The following WIPI2 variants were observed in gnomAD, a reference collection of about 807,000 sequenced individuals.
WIPI2 encodes the protein WD repeat domain, phosphoinositide interacting 2, also known as WD repeat domain phosphoinositide-interacting protein 2.
In WIPI2, 28 loss-of-function variants were observed where a neutral mutation model predicts 52.3. The ratio of observed to expected loss-of-function variants is 0.54; its 90% CI spans 0.40 to 0.73. The LOEUF (loss-of-function observed/expected upper bound fraction) is 0.73. Ranked by LOEUF, WIPI2 falls within the 30% of genes least tolerant of loss-of-function variation. The pLI, the probability that WIPI2 is intolerant of heterozygous loss-of-function variation, is 0.00. For synonymous variants in WIPI2, 268 were observed against 245.0 expected (o/e 1.09, Z -0.88); for missense variants, 506 against 602.9 (o/e 0.84, Z 1.68).
In WIPI2 at chr7:5,230,748, G is replaced by GT; in HGVS notation, c.1253-84dup. 1.1e-6 allele frequency: 1 copy of GT among 936,278 alleles called. No homozygotes were observed. The allele number at this position is 936,278 out of a possible 1,614,324, so 58.0% of individuals were successfully genotyped here. On this transcript the variant is annotated intron_variant, in intron 12 of 12. Coordinates refer to ENST00000288828, the MANE Select transcript of WIPI2 (RefSeq NM_015610.4). The surrounding 1 kb of genome is among the most constrained non-coding windows in gnomAD (Gnocchi z 4.8). ...CTTCAGTTTATAAATATACACCAGT[G>GT]TTTCCAAAACACAGTCCTCAGTGTG... is the stretch of plus-strand genomic sequence containing the variant.
In WIPI2 at chr7:5,227,081, T is replaced by C; in HGVS notation, c.849-99T>C. The C allele has an allele frequency of 6.7e-7, 1 of 1,494,108 alleles. No homozygotes were observed. The highest frequency in any genetic ancestry group is 9.0e-7 in the Non-Finnish European group (1 of 1,104,988). 92.6% of individuals were successfully genotyped at this position (1,494,108 alleles called of 1,614,324 possible). On this transcript the variant is annotated intron_variant, in intron 9 of 12. Transcript: ENST00000288828. This position sits in a 1 kb window ranked among gnomAD's most constrained non-coding sequence, Gnocchi z 8.1. Reference sequence around the variant, plus strand: ...AATTTTCCTGTGAAGAATGGAGACTTTTGCTGTCGGCTCCAGAGCTGTGCG... The same window carrying C: ...AATTTTCCTGTGAAGAATGGAGACTCTTGCTGTCGGCTCCAGAGCTGTGCG...
At chr7:5,217,282 C>A in intron 6 of WIPI2, 95 bp downstream of exon 6, 1 of 1,266,190 alleles carries the variant, frequency 7.9e-7, no homozygotes, top group Non-Finnish European at 1.1e-6. Context: ...CTTGGCTCAG[C>A]AATACAACCG....
At chr7:5,217,672 C>G (rs1294465918) in intron 6 of WIPI2, 1 of 506,758 alleles carries the variant, frequency 2.0e-6, no homozygotes, top group Non-Finnish European at 3.6e-6. Context: ...CAGAGCAGTG[C>G]TGAGCTCCTC....
chr7:5,200,560 T>C (rs531314359), intron 3 of WIPI2, among the ~76,000 whole-genome samples: 8 of 24,928 alleles, frequency 3.2e-4, no homozygotes, highest in Non-Finnish European at 9.6e-4. Context: ...CTTTTTTGTT[T>C]GTTTTTTTTT....
chr7:5,217,927 T>G lies in WIPI2; in HGVS notation c.582T>G (p.Ala194=), dbSNP rs761171434. The change falls in exon 7 of 13, where the codon GCT becomes GCG. Residue 194 remains alanine (A), a synonymous_variant. Transcript: ENST00000288828. ...TATTGGTGTCCCTTTTTCAGAGAGCTGCAAACATGATTCCGGCTCACGACA... is the reference window on the plus strand; with the variant it reads ...TATTGGTGTCCCTTTTTCAGAGAGCGGCAAACATGATTCCGGCTCACGACA... ...VQVFDTINLR[A]ANMIPAHDSP... 6.2e-7 allele frequency: 1 copy of G among 1,614,192 alleles called. No homozygotes were observed. Among genetic ancestry groups the G allele is most frequent in the South Asian group, 1.1e-5 (1 of 91,082 alleles).
Position 5,217,015 on chromosome 7 carries a change from C to A in WIPI2, c.479-75C>A. 13 of 1,406,300 alleles carry A rather than the reference C, an allele frequency of 9.2e-6. No individual in the cohort carries two copies. The South Asian group carries it at 1.4e-4, about 15-fold the overall frequency. 87.1% of individuals were successfully genotyped at this position (1,406,300 alleles called of 1,614,324 possible). A position where few individuals can be genotyped will look rare whatever the true frequency, so the allele number is the denominator to read the frequency against. On this transcript the variant is annotated intron_variant, in intron 5 of 12. Transcript: ENST00000288828. The stretch of plus-strand genomic sequence containing the variant: ...TTCCTAATGCTCTGTTAAATGAATG[C>A]TGAATTATGTCTGACATCCAAGAAG...
chr7:5,229,693 G>A lies in WIPI2; in HGVS notation c.1207G>A (p.Ala403Thr). 1 of 1,614,108 alleles carries A rather than the reference G, an allele frequency of 6.2e-7. No homozygotes were observed. Among genetic ancestry groups the A allele is most frequent in the Non-Finnish European group, 8.5e-7 (1 of 1,180,000 alleles). ...CPLVTQTYGA[A>T]AGKGTYVPSS... Reference sequence around the variant, plus strand: ...CTTAGTCACTCAGACATACGGCGCAGCTGCAGGAAAAGGTACTTACGTGCC... The same window carrying A: ...CTTAGTCACTCAGACATACGGCGCAACTGCAGGAAAAGGTACTTACGTGCC... Residue 403 changes from alanine to threonine, a missense_variant, in exon 12 of 13, where the codon GCT (alanine) becomes ACT (threonine). Ala to Thr is a moderately conservative substitution (Grantham distance 58). This residue lies in a region of WIPI2 where 194 missense variants were observed against 175.1 expected (regional missense o/e 1.11). Coordinates refer to ENST00000288828, the MANE Select transcript of WIPI2 (RefSeq NM_015610.4).
rs780533277 is a variant in WIPI2, at chr7:5,227,316, G to A, written c.985G>A (p.Gly329Ser). ...AFATVRLPFC[G>S]HKNICSLATI... Reference sequence around the variant, plus strand: ...CGCCACGGTCCGCCTGCCATTCTGCGGCCACAAAAACATCTGCTCGCTAGC... The same window carrying A: ...CGCCACGGTCCGCCTGCCATTCTGCAGCCACAAAAACATCTGCTCGCTAGC... Residue 329 changes from glycine (G) to serine (S), a missense_variant, in exon 10 of 13, where the codon GGC (glycine) becomes AGC (serine). Physicochemically the swap from Gly to Ser is moderately conservative, Grantham distance 56 (BLOSUM62 0). This residue lies in a region of WIPI2 where 237 missense variants were observed against 346.9 expected (regional missense o/e 0.68). Coordinates refer to ENST00000288828, the MANE Select transcript of WIPI2 (RefSeq NM_015610.4). The surrounding 1 kb of genome is among the most constrained non-coding windows in gnomAD (Gnocchi z 8.1). The A allele has an allele frequency of 9.9e-6, 16 of 1,613,622 alleles. No individual in the cohort carries two copies. The highest frequency in any genetic ancestry group is 4.5e-5 in the East Asian group (2 of 44,894).
intron 8 of WIPI2, 99 bp downstream of exon 8, chr7:5,222,771 C>G: frequency 4.2e-6 from 5 of 1,199,822 alleles, no homozygotes; most frequent in Non-Finnish European, 4.9e-6. Context: ...CAGGAGAATT[C>G]CACACGAGCA....
At chr7:5,210,315 C>G (rs1248968355) in intron 3 of WIPI2, among the ~76,000 whole-genome samples, 1 of 152,224 alleles carries the variant, frequency 6.6e-6, no homozygotes, top group African/African-American at 2.4e-5. Context: ...ATGTCAAGGT[C>G]GCCATATAAG....
intron 3 of WIPI2, among the ~76,000 whole-genome samples, chr7:5,207,104 A>C (rs548975596): frequency 3.3e-5 from 5 of 152,178 alleles, no homozygotes; most frequent in African/African-American, 1.2e-4. Context: ...ATTTCCAGGT[A>C]GACGGCAGGC....
At chr7:5,201,041 G>A (rs1409719516) in intron 3 of WIPI2, among the ~76,000 whole-genome samples, 2 of 152,208 alleles carry the variant, frequency 1.3e-5, no homozygotes, top group Non-Finnish European at 2.9e-5. Flanking sequence ...TGATCTGGGC[G>A]ATAACATAGG....
intron 5 of WIPI2, 63 bp downstream of exon 5, chr7:5,216,722 G>C: frequency 6.6e-7 from 1 of 1,507,826 alleles, no homozygotes; most frequent in Non-Finnish European, 9.1e-7. Flanking sequence ...GATAGCTATA[G>C]GTGAGAGAGA....
At chr7:5,204,241 T>C (rs901392774) in intron 3 of WIPI2, among the ~76,000 whole-genome samples, 4 of 151,760 alleles carry the variant, frequency 2.6e-5, no homozygotes, top group African/African-American at 9.7e-5. Context: ...CCGAGGCGGG[T>C]GGATCACCTG....
chr7:5,200,269 T>C (rs1417742595), intron 3 of WIPI2, among the ~76,000 whole-genome samples: 4 of 152,208 alleles, frequency 2.6e-5, no homozygotes, highest in Admixed American at 2.0e-4. Flanking sequence ...CTTAACAGTG[T>C]GCAAAAATAG....
At chr7:5,221,497 C>G (rs995044627) in intron 7 of WIPI2, among the ~76,000 whole-genome samples, 2 of 152,186 alleles carry the variant, frequency 1.3e-5, no homozygotes, top group African/African-American at 2.4e-5. Flanking sequence ...CATTTTAAGG[C>G]CTTTCTTTCC....
intron 11 of WIPI2, 105 bp downstream of exon 11, chr7:5,228,316 G>A: frequency 2.4e-5 from 26 of 1,093,960 alleles, no homozygotes; most frequent in Non-Finnish European, 3.3e-5. Context: ...GTGACATAGA[G>A]GGGCAGATTC....
chr7:5,222,523 A>G (rs1783192919), intron 7 of WIPI2, 79 bp from the exon 8 acceptor site: 1 of 1,434,306 alleles, frequency 7.0e-7, no homozygotes, highest in South Asian at 1.1e-5. Flanking sequence ...CGTGTGGCGC[A>G]TTTGCAGTCT....
At chr7:5,199,731 A>C in intron 3 of WIPI2, 73 bp downstream of exon 3, 1 of 1,416,638 alleles carries the variant, frequency 7.1e-7, no homozygotes, top group Non-Finnish European at 9.6e-7. Flanking sequence ...AATGCGATCT[A>C]AAATTCAGAC....
Sources: allele counts gnomAD v4.1 joint callset (sites outside exome capture counted in the v4.1 genomes callset), GRCh38; gene constraint gnomAD v4.1.1; regional missense constraint gnomAD v4.1.1; non-coding constraint Gnocchi (gnomAD v3.1); transcripts MANE v1.5; gene names NCBI Gene and HGNC (gene_info 2026-07-23, HGNC 2026-07-21).